The following CLIP3 variants were observed in gnomAD, a reference collection of about 807,000 sequenced individuals.
CLIP3 encodes CAP-Gly domain containing linker protein 3, also known as CAP-Gly domain-containing linker protein 3.
In CLIP3, 15 loss-of-function variants were observed where a neutral mutation model predicts 59.4. That is an observed-to-expected ratio of 0.25 (90% CI 0.17 to 0.39). The LOEUF is 0.39. Among genes scored for constraint, CLIP3 ranks in the 10% least tolerant of loss-of-function variants. The pLI is 1.00. For synonymous variants in CLIP3, 300 were observed against 321.6 expected, an observed-to-expected ratio of 0.93 and a Z score of 0.72; for missense variants, 495 against 765.7, an observed-to-expected ratio of 0.65 and a Z score of 4.17.
intron 2 of CLIP3, among the ~76,000 whole-genome samples, chr19:36,030,587 G>A (rs1301242167): frequency 1.3e-5 from 2 of 152,088 alleles, no homozygotes; most frequent in Non-Finnish European, 1.5e-5. Flanking sequence ...AGTACCCAGA[G>A]GGAGCTTTCA....
intron 2 of CLIP3, among the ~76,000 whole-genome samples, chr19:36,030,167 C>T (rs60078822): frequency 0.17 from 25,896 of 152,050 alleles, 2,911 homozygotes; most frequent in African/African-American, 0.32. Context: ...GTGATCCTCC[C>T]ACCTCAGCCT....
Position 36,026,607 on chromosome 19 carries a change from G to A in CLIP3, c.541C>T (p.Leu181=), listed in dbSNP as rs1223271466. ...FDVPDLVRVL[L]KGARPRVVNS... The stretch of plus-strand genomic sequence containing the variant: ...TCACCTCGCGGCCTCGCACCCTTCA[G>A]CAGCACACGCACGAGGTCGGGCACA... The change falls in exon 5 of 14, where the codon CTG becomes TTG. Residue 181 remains leucine, a synonymous_variant. Transcript: ENST00000360535. This position sits in a 1 kb window ranked among gnomAD's most constrained non-coding sequence, Gnocchi z 6.3. The A allele has an allele frequency of 6.2e-7, 1 of 1,613,756 alleles. No individual in the cohort carries two copies. The highest frequency in any genetic ancestry group is 8.5e-7 in the Non-Finnish European group (1 of 1,179,946).
intron 7 of CLIP3, among the ~76,000 whole-genome samples, chr19:36,022,280 AC>A (rs1229798213): frequency 1.3e-5 from 2 of 152,166 alleles, no homozygotes; most frequent in Non-Finnish European, 2.9e-5. Context: ...TAATGGCCTT[AC>A]GCATTTTAAT....
chr19:36,027,336 G>A (rs1373225078), intron 2 of CLIP3, 65 bp from the exon 3 acceptor site: 1 of 1,520,514 alleles, frequency 6.6e-7, no homozygotes, highest in African/African-American at 1.4e-5. Context: ...CCTCAGTAGG[G>A]GAGCTGTAGG....
rs1405748243 is a variant in CLIP3, at chr19:36,018,940, C to A, written c.1141G>T (p.Asp381Tyr). 1 of 1,613,116 alleles carries A rather than the reference C, an allele frequency of 6.2e-7. No individual in the cohort carries two copies. The highest frequency in any genetic ancestry group is 2.2e-5 in the East Asian group (1 of 44,890). Residue 381 changes from aspartate to tyrosine, a missense_variant, in exon 9 of 14, where the codon GAC becomes TAC. Transcript: ENST00000360535. Reference protein sequence around the residue: ...VTSTPRTPRMDFSRVTGKGRR... With the variant: ...VTSTPRTPRMYFSRVTGKGRR... ...CCTTTGCCGGTGACACGGGAGAAGTCCATCCGGGGGGTCCGGGGTGTGGAG... is the reference window on the plus strand; with the variant it reads ...CCTTTGCCGGTGACACGGGAGAAGTACATCCGGGGGGTCCGGGGTGTGGAG...
In CLIP3 at chr19:36,017,423, C is replaced by T; in HGVS notation, c.1479G>A (p.Gly493=). ...QRIGGSTDSP[G]DSVGAKKVHQ... is the part of the protein sequence containing the mutation. ...GCACTTTTTTGGCTCCAACGCTGTC[C>T]CCGGGGGAATCAGTGGATCCGCCAA... Residue 493 remains glycine, a synonymous_variant, in exon 12 of 14, where the codon GGG becomes GGA. Coordinates refer to ENST00000360535, the MANE Select transcript of CLIP3 (RefSeq NM_015526.3). The T allele has an allele frequency of 4.3e-6, 7 of 1,614,154 alleles. No individual in the cohort carries two copies. Among genetic ancestry groups the T allele is most frequent in the Non-Finnish European group, 5.9e-6 (7 of 1,180,036 alleles).
chr19:36,015,868 G>A lies in CLIP3; in HGVS notation c.*290C>T. Reference sequence around the variant, plus strand: ...TGTGGAGAGGGTCACCATCATTTGGGGTGATATGGAAATCTGTTAATCTGG... The same window carrying A: ...TGTGGAGAGGGTCACCATCATTTGGAGTGATATGGAAATCTGTTAATCTGG... On this transcript the variant is annotated 3_prime_UTR_variant, in exon 14 of 14. Transcript: ENST00000360535. The A allele has an allele frequency of 2.0e-6, 1 of 501,958 alleles. No individual in the cohort carries two copies. Among genetic ancestry groups the A allele is most frequent in the Non-Finnish European group, 3.6e-6 (1 of 274,810 alleles). The allele number at this position is 501,958 out of a possible 1,614,324, so 31.1% of individuals were successfully genotyped here. A position where few individuals can be genotyped will look rare whatever the true frequency, so the allele number is the denominator to read the frequency against.
chr19:36,026,253 G>C lies in CLIP3; in HGVS notation c.575C>G (p.Thr192Arg). The change falls in exon 6 of 14, where the codon ACG (threonine) becomes AGG (arginine). Residue 192 changes from threonine (T) to arginine (R), a missense_variant. By Grantham distance (71) the Thr-to-Arg change is moderately conservative. Coordinates refer to ENST00000360535, the MANE Select transcript of CLIP3 (RefSeq NM_015526.3). This position sits in a 1 kb window ranked among gnomAD's most constrained non-coding sequence, Gnocchi z 6.3. ...TGAGCCGTGGTTGAAGTCACTGCAC[G>C]TGGAGTTCACCACTGGAAGTGGGCA... Reference protein sequence around the residue: ...KGARPRVVNSTCSDFNHGSAL... With the variant: ...KGARPRVVNSRCSDFNHGSAL... 1 of 1,612,880 alleles carries C rather than the reference G, an allele frequency of 6.2e-7. No homozygotes were observed. The highest frequency in any genetic ancestry group is 1.8e-4 in the Middle Eastern group (1 of 5,636).
At chr19:36,017,522 G>A in intron 11 of CLIP3, 72 bp from the exon 12 acceptor site, 2 of 1,603,884 alleles carry the variant, frequency 1.2e-6, no homozygotes. Flanking sequence ...CTGGGCCCCA[G>A]GGATCTATGA....
intron 2 of CLIP3, among the ~76,000 whole-genome samples, chr19:36,028,462 A>C (rs1190456946): frequency 5.9e-5 from 9 of 152,222 alleles, no homozygotes; most frequent in Admixed American, 2.6e-4. Flanking sequence ...CTCGACTCTA[A>C]GGAGTACTGC....
chr19:36,018,582 CAAAA>C (rs753224712), intron 9 of CLIP3, among the ~76,000 whole-genome samples: 11 of 75,948 alleles, frequency 1.4e-4, no homozygotes, highest in Non-Finnish European at 1.9e-4. Flanking sequence ...ACTCTTGACT[CAAAA>C]AAAAAAAAAA....
At chr19:36,022,748 C>T (rs1337455050) in intron 7 of CLIP3, among the ~76,000 whole-genome samples, 1 of 151,884 alleles carries the variant, frequency 6.6e-6, no homozygotes. Flanking sequence ...TGGTGAAACC[C>T]GTTGCTACTA....
At chr19:36,027,397 G>T (rs113080790) in intron 2 of CLIP3, 126 bp from the exon 3 acceptor site, 3 of 1,024,346 alleles carry the variant, frequency 2.9e-6, no homozygotes, top group Non-Finnish European at 4.0e-6. Context: ...GTGGCACATG[G>T]GCCACAGTCA....
At chr19:36,025,342 G>A (rs1259970356) in intron 6 of CLIP3, among the ~76,000 whole-genome samples, 1 of 151,870 alleles carries the variant, frequency 6.6e-6, no homozygotes, top group Non-Finnish European at 1.5e-5. Context: ...TATAATCCTA[G>A]CAATTTGTGA....
At position 36,026,124 on chromosome 19, in the gene CLIP3, G is replaced by A. The variant is rs888584303; in HGVS notation, c.681+23C>T. ...GAGGAAGGGAGCAGGAGGGTAACGG[G>A]TTCTGGGCAAGGGTGGCAGTACCCT... On this transcript the variant is annotated intron_variant, in intron 6 of 13. Coordinates refer to ENST00000360535, the MANE Select transcript of CLIP3 (RefSeq NM_015526.3). The surrounding 1 kb of genome is among the most constrained non-coding windows in gnomAD (Gnocchi z 6.3). 1 of 1,586,998 alleles carries A rather than the reference G, an allele frequency of 6.3e-7. No individual in the cohort carries two copies. The highest frequency in any genetic ancestry group is 8.6e-7 in the Non-Finnish European group (1 of 1,156,662).
Position 36,016,814 on chromosome 19 carries a change from C to T in CLIP3, c.1589+93G>A. 1 of 1,356,694 alleles carries T rather than the reference C, an allele frequency of 7.4e-7. No individual in the cohort carries two copies. The allele number at this position is 1,356,694 out of a possible 1,614,324, so 84.0% of individuals were successfully genotyped here. On this transcript the variant is annotated intron_variant, in intron 13 of 13. Coordinates refer to ENST00000360535, the MANE Select transcript of CLIP3 (RefSeq NM_015526.3). The surrounding 1 kb of genome is among the most constrained non-coding windows in gnomAD (Gnocchi z 4.1). ...GTTTTCCTAACCTCTCTTTCCAGCCCTGACCAGAGCTCCAGACCTCTGGGT... is the reference window on the plus strand; with the variant it reads ...GTTTTCCTAACCTCTCTTTCCAGCCTTGACCAGAGCTCCAGACCTCTGGGT...
At chr19:36,028,628 G>C (rs1405564637) in intron 2 of CLIP3, among the ~76,000 whole-genome samples, 1 of 152,190 alleles carries the variant, frequency 6.6e-6, no homozygotes, top group Non-Finnish European at 1.5e-5. Context: ...GCTCCTTTTA[G>C]AACTGCAGTC....
In CLIP3 at chr19:36,016,275, C is replaced by A; in HGVS notation, c.1590-63G>T. ...GCAGCGGGGACATCTGCACCCATCA[C>A]CCCCAGCCTTTCCCCCAGTGTTTGC... On this transcript the variant is annotated intron_variant, in intron 13 of 13. Transcript: ENST00000360535. The surrounding 1 kb of genome is among the most constrained non-coding windows in gnomAD (Gnocchi z 4.1). 6.3e-7 allele frequency: 1 copy of A among 1,576,290 alleles called. No homozygotes were observed.
intron 6 of CLIP3, 115 bp from the exon 7 acceptor site, chr19:36,024,747 A>G: frequency 1.0e-6 from 1 of 964,848 alleles, no homozygotes; most frequent in Non-Finnish European, 1.5e-6. Flanking sequence ...ACTAGGTCAT[A>G]TCCTGGGCCA....
Sources: allele counts gnomAD v4.1 joint callset (sites outside exome capture counted in the v4.1 genomes callset), GRCh38; gene constraint gnomAD v4.1.1; non-coding constraint Gnocchi (gnomAD v3.1); transcripts MANE v1.5; gene names NCBI Gene and HGNC (gene_info 2026-07-23, HGNC 2026-07-21).